Variants in GALNTL6 observed in about 807,000 individuals in gnomAD.
GALNTL6 encodes polypeptide N-acetylgalactosaminyltransferase-like 6.
GALNTL6 carries 46 observed loss-of-function variants against 73.7 expected under a neutral mutation model. The observed-to-expected ratio is 0.62, with a 90% CI of 0.49 to 0.80. GALNTL6 has a LOEUF of 0.80. Among genes scored for constraint, GALNTL6 ranks in the 30% least tolerant of loss-of-function variants. The pLI, the probability that GALNTL6 is intolerant of heterozygous loss-of-function variation, is 0.00. For synonymous variants in GALNTL6, 259 were observed against 263.7 expected (o/e 0.98, Z 0.17); for missense variants, 604 against 755.0 (o/e 0.80, Z 2.34).
intron 10 of GALNTL6, among the ~76,000 whole-genome samples, chr4:172,963,078 T>C (rs1750157679): frequency 6.6e-6 from 1 of 152,032 alleles, no homozygotes; most frequent in Non-Finnish European, 1.5e-5. Context: ...CCCTCCAACC[T>C]CCTCTCTGAC....
At chr4:172,888,774 G>GTT (rs1745863476) in intron 8 of GALNTL6, among the ~76,000 whole-genome samples, 1 of 152,080 alleles carries the variant, frequency 6.6e-6, no homozygotes, top group African/African-American at 2.4e-5. Context: ...TTTGAGAATA[G>GTT]TTTTTTTCTA....
chr4:172,031,649 T>G (rs1258393422), intron 2 of GALNTL6, among the ~76,000 whole-genome samples: 1 of 152,022 alleles, frequency 6.6e-6, no homozygotes, highest in Non-Finnish European at 1.5e-5. Context: ...TTGTACCTAT[T>G]GCACTATCTC....
Position 171,997,549 on chromosome 4 carries a change from A to G in GALNTL6, c.138+182831A>G, listed in dbSNP as rs531441070. ...TCTAATGCAAAGCCTATTTTATAATAAAGTGTTGACTATCTTGTGTGATTT... is the reference window on the plus strand; with the variant it reads ...TCTAATGCAAAGCCTATTTTATAATGAAGTGTTGACTATCTTGTGTGATTT... On this transcript the variant is annotated intron_variant, in intron 2 of 12. Coordinates refer to ENST00000506823, the MANE Select transcript of GALNTL6 (RefSeq NM_001034845.3). 5.3e-5 allele frequency among the ~76,000 whole-genome samples: 8 copies of G among 152,222 alleles called. No homozygotes were observed. The South Asian group carries it at 1.0e-3, about 20-fold the overall frequency.
chr4:171,958,973 C>T (rs1739136982), intron 2 of GALNTL6, among the ~76,000 whole-genome samples: 1 of 152,096 alleles, frequency 6.6e-6, no homozygotes, highest in Non-Finnish European at 1.5e-5. Flanking sequence ...AATCTTTCTT[C>T]CATCCATACC....
Position 171,964,921 on chromosome 4 carries a change from A to T in GALNTL6, c.138+150203A>T, listed in dbSNP as rs79955293. 1.8e-3 allele frequency among the ~76,000 whole-genome samples: 276 copies of T among 152,346 alleles called. 3 individuals carry two copies. The highest frequency in any genetic ancestry group is 0.013 in the Admixed American group (192 of 15,308). The stretch of plus-strand genomic sequence containing the variant: ...TCAGCCTCTCCCCCAAAATTGGGAC[A>T]GTTCTGATGGTCATCTGAGCTTCAG... On this transcript the variant is annotated intron_variant, in intron 2 of 12. Transcript: ENST00000506823.
intron 5 of GALNTL6, among the ~76,000 whole-genome samples, chr4:172,549,611 A>T (rs537508494): frequency 6.6e-6 from 1 of 152,302 alleles, no homozygotes; most frequent in South Asian, 2.1e-4. Context: ...TTAAAAAAAA[A>T]AATAACAAAA....
At chr4:172,551,903 G>A (rs10004974) in intron 5 of GALNTL6, among the ~76,000 whole-genome samples, 6,412 of 152,162 alleles carry the variant, frequency 0.042, 427 homozygotes, top group African/African-American at 0.14. Flanking sequence ...ATGCAAGAAT[G>A]TAAAGAAAAA....
At chr4:172,052,393 A>G (rs935006378) in intron 2 of GALNTL6, 9 of 1,372,156 alleles carry the variant, frequency 6.6e-6, no homozygotes, top group Middle Eastern at 3.6e-4. Context: ...CATCCTTCAT[A>G]GTAACCACAA....
chr4:171,860,485 C>T (rs925467910), intron 2 of GALNTL6, among the ~76,000 whole-genome samples: 7 of 152,168 alleles, frequency 4.6e-5, no homozygotes, highest in Non-Finnish European at 8.8e-5. Context: ...ATCCTCACTC[C>T]TCTAGATTGC....
intron 2 of GALNTL6, among the ~76,000 whole-genome samples, chr4:172,091,967 T>C (rs1732217907): frequency 6.6e-6 from 1 of 152,206 alleles, no homozygotes; most frequent in Non-Finnish European, 1.5e-5. Context: ...AGTGATTTTA[T>C]GAGTCTATGT....
At chr4:172,373,422 G>A (rs989686283) in intron 5 of GALNTL6, among the ~76,000 whole-genome samples, 2 of 151,498 alleles carry the variant, frequency 1.3e-5, no homozygotes, top group African/African-American at 2.4e-5. Flanking sequence ...ACTGACCGTC[G>A]GTTTTTGTAC....
intron 5 of GALNTL6, among the ~76,000 whole-genome samples, chr4:172,729,779 T>G (rs756026729): frequency 4.6e-5 from 7 of 152,192 alleles, no homozygotes; most frequent in African/African-American, 7.2e-5. Flanking sequence ...ATGTCATTGG[T>G]ATTTTGATAG....
At chr4:172,332,523 GT>G (rs553182182) in intron 4 of GALNTL6, among the ~76,000 whole-genome samples, 3,997 of 148,230 alleles carry the variant, frequency 0.027, 65 homozygotes, top group East Asian at 0.031. Context: ...ATCCGATCAA[GT>G]TTTTTTTTTT....
chr4:172,452,165 G>A (rs989817648), intron 5 of GALNTL6, among the ~76,000 whole-genome samples: 3 of 152,008 alleles, frequency 2.0e-5, no homozygotes, highest in African/African-American at 4.8e-5. Flanking sequence ...GTCCACAAAC[G>A]TAATTGAAAT....
intron 2 of GALNTL6, among the ~76,000 whole-genome samples, chr4:171,830,018 A>T (rs1438743124): frequency 6.6e-6 from 1 of 152,014 alleles, no homozygotes; most frequent in Non-Finnish European, 1.5e-5. Flanking sequence ...ACACAGACAG[A>T]ATATGTAGAT....
At chr4:172,227,037 A>G (rs1357694040) in intron 2 of GALNTL6, among the ~76,000 whole-genome samples, 3 of 152,132 alleles carry the variant, frequency 2.0e-5, no homozygotes, top group Non-Finnish European at 4.4e-5. Context: ...TATACGTTAA[A>G]GGCTCCCCAA....
intron 5 of GALNTL6, among the ~76,000 whole-genome samples, chr4:172,770,874 T>C (rs1738724874): frequency 6.6e-6 from 1 of 152,216 alleles, no homozygotes; most frequent in African/African-American, 2.4e-5. Flanking sequence ...ATTTTTATCC[T>C]GCCACAAACA....
At chr4:171,975,676 C>G (rs1190297018) in intron 2 of GALNTL6, among the ~76,000 whole-genome samples, 1 of 152,124 alleles carries the variant, frequency 6.6e-6, no homozygotes, top group Non-Finnish European at 1.5e-5. Context: ...ATTTGAAAAT[C>G]AGTGAATGAA....
intron 2 of GALNTL6, among the ~76,000 whole-genome samples, chr4:171,852,853 G>A (rs184117572): frequency 7.1e-4 from 107 of 151,578 alleles, no homozygotes; most frequent in Non-Finnish European, 1.4e-3. Context: ...GGAGTTTTTT[G>A]TTTTTGTTTT....
Sources: allele counts gnomAD v4.1 joint callset (sites outside exome capture counted in the v4.1 genomes callset), GRCh38; gene constraint gnomAD v4.1.1; transcripts MANE v1.5; gene names NCBI Gene and HGNC (gene_info 2026-07-23, HGNC 2026-07-21).